The following SMG6 variants were observed in gnomAD, a reference collection of about 807,000 sequenced individuals.
SMG6 encodes the protein telomerase-binding protein EST1A.
In SMG6, 66 loss-of-function variants were observed where a neutral mutation model predicts 142.2. That is an observed-to-expected ratio of 0.46 (90% CI 0.38 to 0.57). The LOEUF is 0.57. SMG6 is among the 20% of genes least tolerant of loss of function. The probability of loss-of-function intolerance (pLI) is 0.00; values close to 1 mark genes in which losing one functional copy is unlikely to be tolerated. For missense variants in SMG6, 1,793 were observed against 1,832.0 expected (o/e 0.98, Z 0.39); for synonymous variants, 779 against 702.4 (o/e 1.11, Z -1.72).
At chr17:2,290,895 A>G (rs1359149745) in intron 6 of SMG6, among the ~76,000 whole-genome samples, 1 of 152,262 alleles carries the variant, frequency 6.6e-6, no homozygotes, top group African/African-American at 2.4e-5. Context: ...GCAAAAAGTC[A>G]TACATTATAT....
chr17:2,240,760 A>G (rs1000929957), intron 9 of SMG6, among the ~76,000 whole-genome samples: 5 of 152,236 alleles, frequency 3.3e-5, no homozygotes, highest in African/African-American at 4.8e-5. Flanking sequence ...AGTGTGGAGC[A>G]CCAGGCACAG....
intron 13 of SMG6, chr17:2,088,643 G>T: frequency 1.0e-6 from 1 of 985,402 alleles, no homozygotes; most frequent in Non-Finnish European, 1.2e-6. Context: ...AGAGTACCCT[G>T]TCCTTTGCAA....
intron 13 of SMG6, among the ~76,000 whole-genome samples, chr17:2,149,992 C>A (rs1020451296): frequency 2.7e-4 from 41 of 152,208 alleles, no homozygotes; most frequent in Non-Finnish European, 5.9e-4. Context: ...TGGCAGAGTG[C>A]CTTCTTCCCC....
chr17:2,088,487 A>G, intron 13 of SMG6: 1 of 985,418 alleles, frequency 1.0e-6, no homozygotes, highest in Non-Finnish European at 1.2e-6. Context: ...TGTGTCTGTC[A>G]TAGCTATTAG....
intron 13 of SMG6, among the ~76,000 whole-genome samples, chr17:2,122,773 G>A (rs548825098): frequency 2.0e-5 from 3 of 152,304 alleles, no homozygotes; most frequent in African/African-American, 7.2e-5. Context: ...AGGTGCCAGA[G>A]CAGCTGAAAC....
At chr17:2,090,182 CA>C (rs71150849) in intron 13 of SMG6, among the ~76,000 whole-genome samples, 3,814 of 96,522 alleles carry the variant, frequency 0.04, 95 homozygotes, top group African/African-American at 0.13. Context: ...GACTCTGTCT[CA>C]AAAAAAAAAA....
At chr17:2,157,993 T>A (rs139589622) in intron 13 of SMG6, among the ~76,000 whole-genome samples, 15 of 152,324 alleles carry the variant, frequency 9.8e-5, no homozygotes, top group Non-Finnish European at 1.9e-4. Flanking sequence ...CACATAAATG[T>A]TTGAGTAATT....
chr17:2,080,073 TCAAAACAAAACAAAACAAAA>T (rs59094023), intron 15 of SMG6, among the ~76,000 whole-genome samples: 2,376 of 142,946 alleles, frequency 0.017, 44 homozygotes, highest in African/African-American at 0.052. Context: ...AGACTCCATC[TCAAAACAAAACAAAACAAAA>T]CAAAACAAAA....
intron 10 of SMG6, among the ~76,000 whole-genome samples, chr17:2,234,014 T>C (rs1476618727): frequency 6.6e-6 from 1 of 152,140 alleles, no homozygotes; most frequent in East Asian, 1.9e-4. Context: ...TTGGCCCCAG[T>C]GACCTCATCG....
chr17:2,180,692 T>C (rs1241046945), intron 12 of SMG6, among the ~76,000 whole-genome samples: 1 of 151,980 alleles, frequency 6.6e-6, no homozygotes, highest in South Asian at 2.1e-4. Flanking sequence ...GTGCAATGAT[T>C]CTCTAACTGC....
chr17:2,215,455 A>G (rs1384201296), intron 10 of SMG6: 2 of 152,226 alleles, frequency 1.3e-5, no homozygotes, highest in African/African-American at 4.8e-5. Context: ...CGAGACAGAC[A>G]TGAAAAATTG....
chr17:2,219,478 G>T lies in SMG6; in HGVS notation c.2869+17014C>A, dbSNP rs188295737. 1.2e-4 allele frequency among the ~76,000 whole-genome samples: 19 copies of T among 152,032 alleles called. No homozygotes were observed. The East Asian group carries it at 3.7e-3, about 30-fold the overall frequency. ...TCAAACACTGCTAAGAGTGTAAGCT[G>T]ATACACCTTCTTCAAAAAGTAACCT... On this transcript the variant is annotated intron_variant, in intron 10 of 18. Coordinates refer to ENST00000263073, the MANE Select transcript of SMG6 (RefSeq NM_017575.5).
chr17:2,133,373 G>A (rs1241100668), intron 13 of SMG6, among the ~76,000 whole-genome samples: 1 of 152,056 alleles, frequency 6.6e-6, no homozygotes, highest in African/African-American at 2.4e-5. Context: ...TTAATTCTTT[G>A]GAAAAAATGG....
At position 2,267,736 on chromosome 17, in the gene SMG6, A is replaced by G. The variant is rs879037312; in HGVS notation, c.2661+14911T>C. Among the ~76,000 whole-genome samples the G allele has an allele frequency of 2.2e-5, 3 of 138,710 alleles. No homozygotes were observed. The Admixed American group carries it at 2.4e-4, about 11-fold the overall frequency. The allele number at this position is 138,710 out of a possible 152,430, so 91.0% of individuals were successfully genotyped here. A position where few individuals can be genotyped will look rare whatever the true frequency, so the allele number is the denominator to read the frequency against. On this transcript the variant is annotated intron_variant, in intron 8 of 18. Transcript: ENST00000263073. Reference sequence around the variant, plus strand: ...GTATTTACTTATTTATGTATTTTTAATTATTTTTATTATTATTTTTTTTTT... The same window carrying G: ...GTATTTACTTATTTATGTATTTTTAGTTATTTTTATTATTATTTTTTTTTT...
intron 10 of SMG6, among the ~76,000 whole-genome samples, chr17:2,227,377 C>T (rs530763035): frequency 2.0e-5 from 3 of 152,186 alleles, no homozygotes; most frequent in Non-Finnish European, 4.4e-5. Context: ...CCAGACTCCT[C>T]AGTAATGCAA....
At chr17:2,232,515 T>C (rs775014296) in intron 10 of SMG6, among the ~76,000 whole-genome samples, 1 of 152,178 alleles carries the variant, frequency 6.6e-6, no homozygotes, top group Non-Finnish European at 1.5e-5. Flanking sequence ...TCTTCACCCA[T>C]GCACTCAGCA....
intron 13 of SMG6, among the ~76,000 whole-genome samples, chr17:2,119,624 T>TAC (rs2069620333): frequency 6.6e-6 from 1 of 150,410 alleles, no homozygotes; most frequent in African/African-American, 2.5e-5. Flanking sequence ...CTCAGCCTCC[T>TAC]GAGTAGTTGG....
intron 13 of SMG6, among the ~76,000 whole-genome samples, chr17:2,086,369 C>T (rs1203718892): frequency 6.6e-6 from 1 of 152,168 alleles, no homozygotes; most frequent in Non-Finnish European, 1.5e-5. Flanking sequence ...AGCCCAAGTG[C>T]AAATTGAATG....
intron 10 of SMG6, among the ~76,000 whole-genome samples, chr17:2,217,097 A>G (rs547532985): frequency 6.6e-6 from 1 of 152,352 alleles, no homozygotes; most frequent in South Asian, 2.1e-4. Context: ...TCCACAAGGT[A>G]CTGGACGTAG....
Sources: allele counts gnomAD v4.1 joint callset (sites outside exome capture counted in the v4.1 genomes callset), GRCh38; gene constraint gnomAD v4.1.1; transcripts MANE v1.5; gene names NCBI Gene and HGNC (gene_info 2026-07-23, HGNC 2026-07-21).